The following MRPL38 variants were observed in gnomAD, a reference collection of about 807,000 sequenced individuals.
The protein encoded by MRPL38 is mitochondrial ribosomal protein L38.
A neutral mutation model predicts 52.1 loss-of-function variants in MRPL38; 51 were observed. The observed-to-expected ratio is 0.98, with a 90% CI of 0.78 to 1.24. The LOEUF (loss-of-function observed/expected upper bound fraction) is 1.24, where lower values mean the gene tolerates loss of function less well. MRPL38 is among the 50% of genes most tolerant of loss of function. The pLI is 0.00. For synonymous variants in MRPL38, 245 were observed against 212.7 expected (o/e 1.15, Z -1.32); for missense variants, 527 against 518.6 (o/e 1.02, Z -0.16).
In MRPL38 at chr17:75,901,795, G is replaced by C; in HGVS notation, c.508C>G (p.Arg170Gly). 1 of 1,613,622 alleles carries C rather than the reference G, an allele frequency of 6.2e-7. No homozygotes were observed. The highest frequency in any genetic ancestry group is 8.5e-7 in the Non-Finnish European group (1 of 1,179,824). Residue 170 changes from arginine to glycine, a missense_variant, in exon 4 of 9, where the codon CGA becomes GGA. Arg to Gly is a moderately radical substitution (Grantham distance 125). Coordinates refer to ENST00000309352, the MANE Select transcript of MRPL38 (RefSeq NM_032478.4). The surrounding 1 kb of genome is among the most constrained non-coding windows in gnomAD (Gnocchi z 5.7). The part of the protein sequence containing the change: ...DLFHGATFVP[R>G]VPLHVAYAVG... ...GCGTAGGCCACGTGCAGGGGGACTC[G>C]GGGCACAAAGGTGGCACCGTGGAAC...
chr17:75,899,011 G>T, intron 8 of MRPL38, 25 bp from the exon 9 acceptor site: 1 of 1,573,820 alleles, frequency 6.4e-7, no homozygotes, highest in Non-Finnish European at 8.6e-7. Flanking sequence ...AGGGGTACGG[G>T]GTGGTCTGCT....
chr17:75,898,678 C>T lies in MRPL38; in HGVS notation c.*172G>A. ...AAATCATGTTTATTCACATTCCCCACCCCACCACCTGAGAGTCACTTTCAC... is the reference window on the plus strand; with the variant it reads ...AAATCATGTTTATTCACATTCCCCATCCCACCACCTGAGAGTCACTTTCAC... On this transcript the variant is annotated 3_prime_UTR_variant, in exon 9 of 9. Transcript: ENST00000309352. 2.9e-6 allele frequency: 2 copies of T among 700,342 alleles called. No individual in the cohort carries two copies. Among genetic ancestry groups the T allele is most frequent in the Non-Finnish European group, 4.7e-6 (2 of 426,778 alleles). The allele number at this position is 700,342 out of a possible 1,614,324, so 43.4% of individuals were successfully genotyped here. A position where few individuals can be genotyped will look rare whatever the true frequency, so the allele number is the denominator to read the frequency against.
In MRPL38 at chr17:75,901,814, G is replaced by A. The variant is rs377432588; in HGVS notation, c.489C>T (p.His163=). The A allele has an allele frequency of 9.9e-6, 16 of 1,613,446 alleles. No individual in the cohort carries two copies. In the East Asian group the frequency reaches 1.8e-4, roughly 18 times the overall value. ...EYYGLYRDLF[H]GATFVPRVPL... ...GGACTCGGGGCACAAAGGTGGCACC[G>A]TGGAACAGGTCTCGGTAGAGGCCGT... is the stretch of plus-strand genomic sequence containing the variant. The change falls in exon 4 of 9, where the codon CAC becomes CAT. Residue 163 remains histidine (H), a synonymous_variant. Coordinates refer to ENST00000309352, the MANE Select transcript of MRPL38 (RefSeq NM_032478.4). This position sits in a 1 kb window ranked among gnomAD's most constrained non-coding sequence, Gnocchi z 5.7.
intron 2 of MRPL38, 29 bp from the exon 3 acceptor site, chr17:75,902,183 AG>A (rs1567853373): frequency 6.5e-7 from 1 of 1,549,514 alleles, no homozygotes; most frequent in South Asian, 1.2e-5. Flanking sequence ...TGGGAAAAAC[AG>A]GGTCATGACT....
chr17:75,903,616 C>T (rs2065415088), intron 2 of MRPL38, among the ~76,000 whole-genome samples: 1 of 152,076 alleles, frequency 6.6e-6, no homozygotes, highest in Admixed American at 6.6e-5. Flanking sequence ...TTAGATTCCA[C>T]GCTTGTGCCT....
chr17:75,902,212 C>A, intron 2 of MRPL38, 58 bp from the exon 3 acceptor site: 1 of 1,523,702 alleles, frequency 6.6e-7, no homozygotes, highest in Non-Finnish European at 8.9e-7. Flanking sequence ...GCCTTAACCT[C>A]CCCAACTCAG....
intron 1 of MRPL38, 23 bp from the exon 2 acceptor site, chr17:75,904,742 A>G: frequency 6.9e-7 from 1 of 1,445,740 alleles, no homozygotes; most frequent in Non-Finnish European, 9.2e-7. Flanking sequence ...AGAAGACGTA[A>G]GGCCGGCGCC....
At chr17:75,904,411 G>A in intron 2 of MRPL38, 129 bp downstream of exon 2, 1 of 987,276 alleles carries the variant, frequency 1.0e-6, no homozygotes, top group Non-Finnish European at 1.6e-6. Flanking sequence ...AGGTCTGCAG[G>A]CAGGCCCTCC....
rs540394556 is a variant in MRPL38, at chr17:75,902,008, G to T, written c.382+12C>A. 6.2e-7 allele frequency: 1 copy of T among 1,613,446 alleles called. No homozygotes were observed. The highest frequency in any genetic ancestry group is 1.1e-5 in the South Asian group (1 of 91,040). ...CCAACTCTGGGATGGCCCCTCCCCT[G>T]AGAAGGCTTACCTGTGCGGAGGCGG... On this transcript the variant is annotated intron_variant, in intron 3 of 8. Transcript: ENST00000309352.
At position 75,900,694 on chromosome 17, in the gene MRPL38, C is replaced by G. The variant is rs535498434; in HGVS notation, c.710+288G>C. ...CATGATTGCACCACTGTACTCCAGC[C>G]TGGGGGACAGAGTGAGACCCTGTCT... is the stretch of plus-strand genomic sequence containing the variant. On this transcript the variant is annotated intron_variant, in intron 6 of 8. Transcript: ENST00000309352. 6.3e-5 allele frequency: 73 copies of G among 1,156,510 alleles called. No homozygotes were observed. In the East Asian group the frequency reaches 2.5e-3, roughly 40 times the overall value. The allele number at this position is 1,156,510 out of a possible 1,614,324, so 71.6% of individuals were successfully genotyped here.
rs1485894539 is a variant in MRPL38, at chr17:75,901,532, C to G, written c.591+180G>C. 1 of 678,908 alleles carries G rather than the reference C, an allele frequency of 1.5e-6. No homozygotes were observed. Among genetic ancestry groups the G allele is most frequent in the African/African-American group, 1.8e-5 (1 of 55,722 alleles). The allele number at this position is 678,908 out of a possible 1,614,324, so 42.1% of individuals were successfully genotyped here. On this transcript the variant is annotated intron_variant, in intron 4 of 8. Transcript: ENST00000309352. The surrounding 1 kb of genome is among the most constrained non-coding windows in gnomAD (Gnocchi z 5.7). ...GGCTGGTCACAGGAATGTGCTAAGA[C>G]AGAGCCTCTTTTTCCTTCATTTTGT...
chr17:75,901,842 TACTC>T lies in MRPL38; in HGVS notation c.457_460del (p.Glu153IlefsTer31). ...GAACAGGTCTCGGTAGAGGCCGTAA[TACTC>T]AGCCAGACGCTGCTTGTGGTAGGGG... is the stretch of plus-strand genomic sequence containing the variant. On this transcript the variant is annotated frameshift_variant, in exon 4 of 9. Transcript: ENST00000309352. LOFTEE classifies it high-confidence loss of function. This position sits in a 1 kb window ranked among gnomAD's most constrained non-coding sequence, Gnocchi z 5.7. The T allele has an allele frequency of 6.2e-7, 1 of 1,613,060 alleles. No individual in the cohort carries two copies. Among genetic ancestry groups the T allele is most frequent in the Non-Finnish European group, 8.5e-7 (1 of 1,179,822 alleles).
In MRPL38 at chr17:75,900,046, G is replaced by A. The variant is rs539410798; in HGVS notation, c.711-372C>T. On this transcript the variant is annotated intron_variant, in intron 6 of 8. Transcript: ENST00000309352. ...AGTCTCCAGGACCTCGTCAGGGAGTGTGTGCCCAGCCTGGCACAGGGGCGG... is the reference window on the plus strand; with the variant it reads ...AGTCTCCAGGACCTCGTCAGGGAGTATGTGCCCAGCCTGGCACAGGGGCGG... The A allele has an allele frequency of 5.5e-5, 9 of 162,688 alleles. No homozygotes were observed. In the East Asian group the frequency reaches 1.1e-3, roughly 19 times the overall value. The allele number at this position is 162,688 out of a possible 1,614,324, so 10.1% of individuals were successfully genotyped here.
In MRPL38 at chr17:75,899,253, T is replaced by C. The variant is rs1599471723; in HGVS notation, c.911A>G (p.Tyr304Cys). The C allele has an allele frequency of 1.9e-6, 3 of 1,612,368 alleles. No individual in the cohort carries two copies. The highest frequency in any genetic ancestry group is 2.5e-6 in the Non-Finnish European group (3 of 1,179,394). Residue 304 changes from tyrosine (Y) to cysteine (C), a missense_variant, in exon 8 of 9, where the codon TAC (tyrosine) becomes TGC (cysteine). Tyr to Cys is a radical substitution (Grantham distance 194). Transcript: ENST00000309352. ...AGTCATGGTTTCTTGGTGTTTCTTG[T>C]AGAAATCAAAAGTGCGGAAGGTCCG... ...AQRTFRTFDFYKKHQETMTPA... is the reference protein window; with the variant it reads ...AQRTFRTFDFCKKHQETMTPA...
chr17:75,899,025 C>A, intron 8 of MRPL38, 39 bp from the exon 9 acceptor site: 1 of 1,554,186 alleles, frequency 6.4e-7, no homozygotes, highest in South Asian at 1.2e-5. Flanking sequence ...GTCTGCTGGC[C>A]TGCGCCCCCT....
In MRPL38 at chr17:75,901,877, G is replaced by T. The variant is rs762168573; in HGVS notation, c.426C>A (p.Thr142=). 6.2e-7 allele frequency: 1 copy of T among 1,612,846 alleles called. No individual in the cohort carries two copies. Among genetic ancestry groups the T allele is most frequent in the Non-Finnish European group, 8.5e-7 (1 of 1,179,748 alleles). The change falls in exon 4 of 9, where the codon ACC becomes ACA. Residue 142 remains threonine, a synonymous_variant. Transcript: ENST00000309352. The surrounding 1 kb of genome is among the most constrained non-coding windows in gnomAD (Gnocchi z 5.7). The part of the protein sequence containing the change: ...LDAVRAEWER[T]CGPYHKQRLA... ...GACGCTGCTTGTGGTAGGGGCCACA[G>T]GTCCTCTCCCACTCGGCCCGCACGG...
chr17:75,902,753 A>T (rs1254462865), intron 2 of MRPL38, among the ~76,000 whole-genome samples: 1 of 151,760 alleles, frequency 6.6e-6, no homozygotes, highest in East Asian at 2.0e-4. Flanking sequence ...ACAGAATCTC[A>T]CTCTCTCGCC....
At position 75,904,559 on chromosome 17, in the gene MRPL38, C is replaced by A; in HGVS notation, c.228G>T (p.Glu76Asp). ...CCGCACCTGTCTTCTCCCCGAAATA[C>A]TCTCGGTAGGTCCGCCACCAGTGCG... ...QAPHWWRTYR[E>D]YFGEKTDPKE... is the part of the protein sequence containing the mutation. The change falls in exon 2 of 9, where the codon GAG becomes GAT. Residue 76 changes from glutamate to aspartate, a missense_variant. Coordinates refer to ENST00000309352, the MANE Select transcript of MRPL38 (RefSeq NM_032478.4). 1 of 1,565,788 alleles carries A rather than the reference C, an allele frequency of 6.4e-7. No homozygotes were observed. The highest frequency in any genetic ancestry group is 8.6e-7 in the Non-Finnish European group (1 of 1,166,300).
Position 75,901,106 on chromosome 17 carries a change from T to C in MRPL38, c.665-79A>G. 6.3e-7 allele frequency: 1 copy of C among 1,593,428 alleles called. No individual in the cohort carries two copies. Reference sequence around the variant, plus strand: ...CCCCTCCCTTGTTAGGAGCCAGCGCTGGAGATCTCCACCTGGCCCCTCCCC... The same window carrying C: ...CCCCTCCCTTGTTAGGAGCCAGCGCCGGAGATCTCCACCTGGCCCCTCCCC... On this transcript the variant is annotated intron_variant, in intron 5 of 8. Coordinates refer to ENST00000309352, the MANE Select transcript of MRPL38 (RefSeq NM_032478.4). The surrounding 1 kb of genome is among the most constrained non-coding windows in gnomAD (Gnocchi z 5.7).
Sources: gnomAD v4.1 joint callset for allele counts (sites outside exome capture counted in the v4.1 genomes callset) on GRCh38, gnomAD v4.1.1 for gene constraint, Gnocchi (gnomAD v3.1) non-coding constraint, MANE v1.5 for transcripts, NCBI Gene and HGNC (gene_info 2026-07-23, HGNC 2026-07-21) for gene names.